The following NFIL3 variants were observed in gnomAD, a reference collection of about 807,000 sequenced individuals.
NFIL3 encodes nuclear factor, interleukin 3 regulated, also known as nuclear factor interleukin-3-regulated protein.
In NFIL3, 5 loss-of-function variants were observed where a neutral mutation model predicts 10.0. The observed-to-expected ratio is 0.50, with a 90% CI of 0.26 to 1.06. NFIL3 has a LOEUF of 1.06. NFIL3 is among the 50% of genes least tolerant of loss of function. The pLI, the probability that NFIL3 is intolerant of heterozygous loss-of-function variation, is 0.13. For missense variants in NFIL3, 436 were observed against 547.6 expected (o/e 0.80, Z 2.03); for synonymous variants, 202 against 206.5 (o/e 0.98, Z 0.19).
At chr9:91,419,370 G>C (rs7030358) in intron 1 of NFIL3, among the ~76,000 whole-genome samples, 6,313 of 152,200 alleles carry the variant, frequency 0.041, 434 homozygotes, top group African/African-American at 0.14. Flanking sequence ...ACCAAGGCAA[G>C]GTCAACTAGA....
the NFIL3 span, among the ~76,000 whole-genome samples, chr9:91,435,306 A>G: frequency 1.3e-5 from 2 of 152,172 alleles, no homozygotes; most frequent in Non-Finnish European, 2.9e-5. Flanking sequence ...CTGGTCAGAA[A>G]ACTCCAACAT....
the NFIL3 span, among the ~76,000 whole-genome samples, chr9:91,459,010 T>G: frequency 6.6e-5 from 10 of 152,168 alleles, no homozygotes; most frequent in Non-Finnish European, 1.5e-4. Flanking sequence ...TTGCATAAGG[T>G]GCGAAAAACT....
chr9:91,446,768 C>G, the NFIL3 span, among the ~76,000 whole-genome samples: 1 of 151,954 alleles, frequency 6.6e-6, no homozygotes, highest in Non-Finnish European at 1.5e-5. Flanking sequence ...CTCCCTCCCT[C>G]CCTTCCTTCC....
At chr9:91,441,005 T>C in the NFIL3 span, among the ~76,000 whole-genome samples, 1 of 152,162 alleles carries the variant, frequency 6.6e-6, no homozygotes, top group Admixed American at 6.5e-5. Flanking sequence ...GTTCTGTATA[T>C]GTCTGTTAGG....
chr9:91,476,337 C>T, the NFIL3 span, among the ~76,000 whole-genome samples: 1 of 152,178 alleles, frequency 6.6e-6, no homozygotes, highest in Non-Finnish European at 1.5e-5. Context: ...CTTTGGGAGG[C>T]TGAGGCAGGT....
upstream of NFIL3, among the ~76,000 whole-genome samples, chr9:91,424,062 C>T (rs1228687161): frequency 6.6e-6 from 1 of 151,024 alleles, no homozygotes; most frequent in African/African-American, 2.4e-5. Context: ...CGGCCAGGGC[C>T]ACCGCCGTCC....
upstream of NFIL3, among the ~76,000 whole-genome samples, chr9:91,427,619 T>TTTG (rs139394510): frequency 1.5e-3 from 223 of 150,244 alleles, 1 homozygote; most frequent in East Asian, 2.8e-3. Flanking sequence ...GCATACCGTT[T>TTTG]TTGTTGTTGT....
chr9:91,421,243 T>A (rs1161033153), intron 1 of NFIL3, among the ~76,000 whole-genome samples: 1 of 130,998 alleles, frequency 7.6e-6, no homozygotes, highest in African/African-American at 2.5e-5. Flanking sequence ...GGAGCCGGGG[T>A]CCCTGGCTCC....
chr9:91,477,189 C>T, the NFIL3 span, among the ~76,000 whole-genome samples: 1 of 152,086 alleles, frequency 6.6e-6, no homozygotes, highest in Non-Finnish European at 1.5e-5. Flanking sequence ...TCAGGGAAAA[C>T]CCACTTCTAA....
chr9:91,451,548 T>C, the NFIL3 span, among the ~76,000 whole-genome samples: 1 of 152,190 alleles, frequency 6.6e-6, no homozygotes, highest in Non-Finnish European at 1.5e-5. Flanking sequence ...TCTTGCTGAG[T>C]ATGCCAAGAA....
At chr9:91,435,150 A>T in the NFIL3 span, among the ~76,000 whole-genome samples, 2 of 152,236 alleles carry the variant, frequency 1.3e-5, no homozygotes, top group Admixed American at 1.3e-4. Context: ...CATAGCAAGT[A>T]TTTGCTATGT....
chr9:91,426,574 T>C (rs10116162), upstream of NFIL3, among the ~76,000 whole-genome samples: 58,437 of 151,786 alleles, frequency 0.38, 13,573 homozygotes, highest in African/African-American at 0.66. Context: ...AACCTCTCAG[T>C]GCTAGGGGTG....
chr9:91,477,715 C>T, the NFIL3 span, among the ~76,000 whole-genome samples: 1 of 152,150 alleles, frequency 6.6e-6, no homozygotes, highest in Non-Finnish European at 1.5e-5. Flanking sequence ...TAAAAATGTG[C>T]AAGACCTAGA....
Position 91,410,593 on chromosome 9 carries a change from T to A in NFIL3, c.142A>T (p.Ser48Cys). Residue 48 changes from serine (S) to cysteine (C), a missense_variant, in exon 2 of 2, where the codon AGT becomes TGT. By Grantham distance (112) the Ser-to-Cys change is moderately radical. Around this residue, in one of 3 missense-constraint regions of NFIL3, gnomAD observed 76 missense variants for 73.0 expected, o/e 1.04. Transcript: ENST00000297689. This position sits in a 1 kb window ranked among gnomAD's most constrained non-coding sequence, Gnocchi z 5.7. ...TTGTTCTTCCCCACACTTCCTTCAC[T>A]GAGAAGCAGCTCCTCACCTGTTGTG... Reference protein sequence around the residue: ...DSTTGEELLLSEGSVGKNKSS... With the variant: ...DSTTGEELLLCEGSVGKNKSS... 1 of 1,614,258 alleles carries A rather than the reference T, an allele frequency of 6.2e-7. No individual in the cohort carries two copies. Among genetic ancestry groups the A allele is most frequent in the Non-Finnish European group, 8.5e-7 (1 of 1,180,052 alleles).
chr9:91,452,885 T>C, the NFIL3 span, among the ~76,000 whole-genome samples: 1 of 151,596 alleles, frequency 6.6e-6, no homozygotes, highest in Admixed American at 6.6e-5. Flanking sequence ...ATTCTTAACA[T>C]TGGCAAAATA....
the NFIL3 span, among the ~76,000 whole-genome samples, chr9:91,470,054 T>G: frequency 1.3e-5 from 2 of 152,202 alleles, no homozygotes; most frequent in Non-Finnish European, 2.9e-5. Context: ...ATAAAATGAG[T>G]TAGGGAGGAT....
At chr9:91,464,271 C>T in the NFIL3 span, among the ~76,000 whole-genome samples, 1 of 151,952 alleles carries the variant, frequency 6.6e-6, no homozygotes, top group African/African-American at 2.4e-5. Context: ...TTATATTATT[C>T]CATTTTCTCT....
the NFIL3 span, among the ~76,000 whole-genome samples, chr9:91,472,027 TG>T: frequency 6.6e-6 from 1 of 152,242 alleles, no homozygotes; most frequent in Non-Finnish European, 1.5e-5. Context: ...TGTTGAATAT[TG>T]GCCCCCACTC....
At chr9:91,474,357 T>C in the NFIL3 span, among the ~76,000 whole-genome samples, 14 of 152,300 alleles carry the variant, frequency 9.2e-5, no homozygotes, top group Admixed American at 2.6e-4. Context: ...TAATATTTTA[T>C]TGAAGGCTTT....
Sources: gnomAD v4.1 joint callset for allele counts (sites outside exome capture counted in the v4.1 genomes callset) on GRCh38, gnomAD v4.1.1 for gene constraint, gnomAD v4.1.1 regional missense constraint, Gnocchi (gnomAD v3.1) non-coding constraint, MANE v1.5 for transcripts, NCBI Gene and HGNC (gene_info 2026-07-23, HGNC 2026-07-21) for gene names.